RGS8: variants seen among roughly 807,000 people sequenced by gnomAD.
RGS8 encodes the protein regulator of G-protein signaling 8.
A neutral mutation model predicts 21.7 loss-of-function variants in RGS8; 8 were observed. That is an observed-to-expected ratio of 0.37 (90% CI 0.22 to 0.66). RGS8 has a LOEUF of 0.66. Among genes scored for constraint, RGS8 ranks in the 30% least tolerant of loss-of-function variants. The pLI, the probability that RGS8 is intolerant of heterozygous loss-of-function variation, is 0.59. For missense variants in RGS8, 157 were observed against 217.9 expected (o/e 0.72, Z 1.76); for synonymous variants, 80 against 83.6 (o/e 0.96, Z 0.24).
chr1:182,733,990 G>A, the RGS8 span, among the ~76,000 whole-genome samples: 3 of 151,628 alleles, frequency 2.0e-5, no homozygotes, highest in South Asian at 2.1e-4. Flanking sequence ...GCATGATCTC[G>A]GCTCGCTGCA....
chr1:182,690,584 A>G, the RGS8 span, among the ~76,000 whole-genome samples: 1 of 152,234 alleles, frequency 6.6e-6, no homozygotes, highest in African/African-American at 2.4e-5. Context: ...AGACTAGGTC[A>G]TCTGTAAATT....
At chr1:182,725,788 G>A in the RGS8 span, among the ~76,000 whole-genome samples, 1 of 152,186 alleles carries the variant, frequency 6.6e-6, no homozygotes, top group Admixed American at 6.5e-5. Flanking sequence ...CTGACGTCAC[G>A]GCGTGTGATT....
chr1:182,648,326 A>G, intron 5 of RGS8, 23 bp from the exon 7 acceptor site: 1 of 1,609,396 alleles, frequency 6.2e-7, no homozygotes, highest in Admixed American at 1.7e-5. Flanking sequence ...GAGGAAGAAA[A>G]GAAGAGAGAT....
At chr1:182,643,130 C>T (rs541543763), downstream of RGS8, 7 of 152,396 alleles carry the variant, frequency 4.6e-5, no homozygotes, top group East Asian at 3.9e-4. Context: ...TCGGCATGGC[C>T]GCTGCCCAGC....
chr1:182,658,268 C>A (rs1343992951), intron 5 of RGS8: 1 of 152,190 alleles, frequency 6.6e-6, no homozygotes, highest in African/African-American at 2.4e-5. Flanking sequence ...TATGAATGAG[C>A]AGTGCAGCTG....
chr1:182,716,324 C>T, the RGS8 span, among the ~76,000 whole-genome samples: 1 of 152,086 alleles, frequency 6.6e-6, no homozygotes, highest in Admixed American at 6.5e-5. Flanking sequence ...AGGGGTTTCA[C>T]TGTGTTGCCC....
chr1:182,689,189 T>C (rs989210056), upstream of RGS8, among the ~76,000 whole-genome samples: 1 of 151,556 alleles, frequency 6.6e-6, no homozygotes, highest in Non-Finnish European at 1.5e-5. Context: ...TGCCTTTTAG[T>C]GAAATGTAAG....
At position 182,667,042 on chromosome 1, in the gene RGS8, C is replaced by T. The variant is rs1663901476; in HGVS notation, c.27-69G>A. ...TCACAGCTGTCAGCTCTATACAGGG[C>T]CCCTGGAGCTGCTGCTACGGGAGCC... On this transcript the variant is annotated intron_variant, in intron 3 of 6. Transcript: ENST00000483095. 4 of 1,289,786 alleles carry T rather than the reference C, an allele frequency of 3.1e-6. No homozygotes were observed. In the East Asian group the frequency reaches 6.9e-5, roughly 22 times the overall value. The allele number at this position is 1,289,786 out of a possible 1,614,324, so 79.9% of individuals were successfully genotyped here. A position where few individuals can be genotyped will look rare whatever the true frequency, so the allele number is the denominator to read the frequency against.
chr1:182,746,118 A>G, the RGS8 span, among the ~76,000 whole-genome samples: 1 of 152,124 alleles, frequency 6.6e-6, no homozygotes, highest in East Asian at 1.9e-4. Flanking sequence ...TCCCTGGGCT[A>G]AAAAGCCCCC....
At position 182,665,902 on chromosome 1, in the gene RGS8, G is replaced by A. The variant is rs1478658239; in HGVS notation, c.193+67C>T. On this transcript the variant is annotated intron_variant, in intron 5 of 6. Coordinates refer to ENST00000483095, the Ensembl canonical transcript of RGS8. ...TACATACCTGCCTGGATCATCACAG[G>A]CCTTTGGTACATCTCTCACTAAATA... is the stretch of plus-strand genomic sequence containing the variant. 3 of 1,390,676 alleles carry A rather than the reference G, an allele frequency of 2.2e-6. No homozygotes were observed. In the African/African-American group the frequency reaches 4.3e-5, roughly 20 times the overall value. The allele number at this position is 1,390,676 out of a possible 1,614,324, so 86.1% of individuals were successfully genotyped here.
rs149313264 is a variant in RGS8, at chr1:182,663,372, C to T, written c.193+2597G>A. 7.0e-4 allele frequency among the ~76,000 whole-genome samples: 107 copies of T among 152,278 alleles called. 1 individual carries two copies. Among genetic ancestry groups the T allele is most frequent in the African/African-American group, 2.4e-3 (99 of 41,530 alleles). On this transcript the variant is annotated intron_variant, in intron 5 of 6. Transcript: ENST00000483095. Reference sequence around the variant, plus strand: ...CTACCAGTGACTCCTGAATAAAGACCCTTTCTTTTCGAAGACATTCACTCC... The same window carrying T: ...CTACCAGTGACTCCTGAATAAAGACTCTTTCTTTTCGAAGACATTCACTCC...
At chr1:182,687,116 C>T (rs1307459648), upstream of RGS8, among the ~76,000 whole-genome samples, 3 of 151,962 alleles carry the variant, frequency 2.0e-5, no homozygotes, top group Non-Finnish European at 4.4e-5. Flanking sequence ...CTCCAGAGTA[C>T]TTATTAAAAT....
At chr1:182,669,394 G>GT (rs773637177) in intron 3 of RGS8, among the ~76,000 whole-genome samples, 175 of 152,268 alleles carry the variant, frequency 1.1e-3, no homozygotes, top group African/African-American at 3.8e-3. Context: ...TGTCTCACCA[G>GT]TCAATGGGAG....
the RGS8 span, among the ~76,000 whole-genome samples, chr1:182,691,772 C>T: frequency 5.3e-5 from 8 of 151,956 alleles, no homozygotes; most frequent in Non-Finnish European, 1.0e-4. Flanking sequence ...ACAATGATGC[C>T]CGCTCTCACC....
At chr1:182,692,675 C>CAAAAAAAA in the RGS8 span, among the ~76,000 whole-genome samples, 4 of 28,026 alleles carry the variant, frequency 1.4e-4, no homozygotes, top group Non-Finnish European at 2.1e-4. Context: ...CAATCCTAAG[C>CAAAAAAAA]AAAAAAAAAA....
chr1:182,663,920 C>T (rs537019290), intron 5 of RGS8, among the ~76,000 whole-genome samples: 1 of 152,302 alleles, frequency 6.6e-6, no homozygotes, highest in African/African-American at 2.4e-5. Context: ...ATCCTCCTGC[C>T]TCAGCCTCTA....
chr1:182,748,202 G>A, the RGS8 span, among the ~76,000 whole-genome samples: 2 of 152,156 alleles, frequency 1.3e-5, no homozygotes, highest in Non-Finnish European at 2.9e-5. Flanking sequence ...TAGATCTCTT[G>A]AAATTTATTC....
rs189094767 is a variant in RGS8 at position 182,679,547 on chromosome 1, C to T, written n.221+4809G>A. On this transcript the variant is annotated intron_variant and non_coding_transcript_variant, in intron 1 of 4. Transcript: ENST00000515211. ...CTTCCTGCCTCTCTCACCTTGCATG[C>T]TACTTGGGCAATCTCATCCTTGCCC... 2.8e-4 allele frequency among the ~76,000 whole-genome samples: 42 copies of T among 152,180 alleles called. 1 individual carries two copies. The highest frequency in any genetic ancestry group is 1.0e-3 in the African/African-American group (42 of 41,520).
At chr1:182,727,074 C>A in the RGS8 span, among the ~76,000 whole-genome samples, 1 of 152,168 alleles carries the variant, frequency 6.6e-6, no homozygotes, top group Non-Finnish European at 1.5e-5. Flanking sequence ...ATGATAAGAA[C>A]TTTTAGTGGT....
Sources: allele counts gnomAD v4.1 joint callset (sites outside exome capture counted in the v4.1 genomes callset), GRCh38; gene constraint gnomAD v4.1.1; transcripts MANE v1.5; gene names NCBI Gene and HGNC (gene_info 2026-07-23, HGNC 2026-07-21).